The following TRMT11 variants were observed in gnomAD, a reference collection of about 807,000 sequenced individuals.
The protein encoded by TRMT11 is tRNA (guanine(10)-N(2))-methyltransferase TRMT11.
TRMT11 carries 53 observed loss-of-function variants against 62.8 expected under a neutral mutation model. The observed-to-expected ratio is 0.84, with a 90% CI of 0.68 to 1.06. TRMT11 has a LOEUF of 1.06. TRMT11 is among the 50% of genes least tolerant of loss of function. TRMT11 has a pLI of 0.00. For synonymous variants in TRMT11, 188 were observed against 190.3 expected (o/e 0.99, Z 0.10); for missense variants, 556 against 553.4 (o/e 1.00, Z -0.05).
At chr6:126,253,062 T>C in the TRMT11 span, among the ~76,000 whole-genome samples, 1 of 151,562 alleles carries the variant, frequency 6.6e-6, no homozygotes, top group Non-Finnish European at 1.5e-5. Flanking sequence ...CAAATATCTT[T>C]AGGAAAATAA....
At chr6:126,163,458 T>G (rs75795298) in intron 21 of TRMT11, among the ~76,000 whole-genome samples, 6,976 of 152,260 alleles carry the variant, frequency 0.046, 538 homozygotes, top group African/African-American at 0.16. Flanking sequence ...GGTTTGACAG[T>G]ATTTTACTGA....
chr6:126,130,485 A>G (rs1293294995), intron 21 of TRMT11, among the ~76,000 whole-genome samples: 1 of 152,092 alleles, frequency 6.6e-6, no homozygotes, highest in Non-Finnish European at 1.5e-5. Context: ...GGAAGTCAGA[A>G]TGTTCTTCTG....
the TRMT11 span, among the ~76,000 whole-genome samples, chr6:126,256,071 C>G: frequency 8.5e-5 from 13 of 152,140 alleles, no homozygotes; most frequent in Admixed American, 8.5e-4. Flanking sequence ...ACTGGAGGAT[C>G]CATATCAAAG....
Position 126,085,113 on chromosome 6 carries a change from AG to A in TRMT11, c.*1438-27751del, listed in dbSNP as rs142670119. On this transcript the variant is annotated intron_variant and NMD_transcript_variant, in intron 17 of 22. Coordinates refer to the TRMT11 transcript ENST00000648977. ...TCCCTAACAAAATGGTAACTATGTG[AG>A]GTGATGGGTATGCTAATTAGCTTGA... is the stretch of plus-strand genomic sequence containing the variant. Among the ~76,000 whole-genome samples the A allele has an allele frequency of 1.3e-3, 193 of 152,266 alleles. 4 individuals carry two copies. In the East Asian group the frequency reaches 0.025, roughly 20 times the overall value.
At chr6:126,053,699 G>A (rs961718000) in intron 17 of TRMT11, among the ~76,000 whole-genome samples, 4 of 151,892 alleles carry the variant, frequency 2.6e-5, no homozygotes, top group African/African-American at 4.8e-5. Flanking sequence ...CCTGCATGGC[G>A]TGGTGTGTCC....
the TRMT11 span, among the ~76,000 whole-genome samples, chr6:126,244,118 A>G: frequency 1.1e-4 from 16 of 152,034 alleles, no homozygotes; most frequent in African/African-American, 3.6e-4. Flanking sequence ...CATCTGAGTG[A>G]TGGGTTTCTA....
rs1474993426 is a variant in TRMT11, at chr6:126,021,274, A to T, written c.1254A>T (p.Lys418Asn). 2 of 1,613,694 alleles carry T rather than the reference A, an allele frequency of 1.2e-6. No homozygotes were observed. The highest frequency in any genetic ancestry group is 3.3e-5 in the Admixed American group (2 of 60,014). The change falls in exon 12 of 13, where the codon AAA becomes AAT. Residue 418 changes from lysine (K) to asparagine (N), a missense_variant. Lys to Asn is a moderately conservative substitution (Grantham distance 94). Transcript: ENST00000334379. Reference protein sequence around the residue: ...RRLITMEKVKKFENRDQYSHL... With the variant: ...RRLITMEKVKNFENRDQYSHL... The stretch of plus-strand genomic sequence containing the variant: ...TGATCACAATGGAAAAGGTGAAGAA[A>T]TTTGAGGTAAATTGCTTCAGTATTT...
chr6:126,175,375 G>A (rs577114482), upstream of TRMT11, among the ~76,000 whole-genome samples: 2 of 152,252 alleles, frequency 1.3e-5, no homozygotes, highest in East Asian at 1.9e-4. Context: ...ATTCCTAGGG[G>A]TTTGGCTTCA....
chr6:126,148,663 T>TA (rs1486873358), intron 21 of TRMT11, among the ~76,000 whole-genome samples: 4 of 152,174 alleles, frequency 2.6e-5, no homozygotes, highest in Non-Finnish European at 5.9e-5. Flanking sequence ...ATAAGACTAA[T>TA]AATAGTATTA....
chr6:126,160,875 C>T (rs1778182135), intron 21 of TRMT11, among the ~76,000 whole-genome samples: 1 of 152,080 alleles, frequency 6.6e-6, no homozygotes, highest in African/African-American at 2.4e-5. Context: ...TTGACAGGAG[C>T]CTGTCAGAAA....
chr6:126,120,231 C>T (rs1178475729), intron 21 of TRMT11, among the ~76,000 whole-genome samples: 3 of 152,150 alleles, frequency 2.0e-5, no homozygotes, highest in African/African-American at 4.8e-5. Context: ...GCTGAGATCA[C>T]GCCACTGCAC....
intron 1 of TRMT11, among the ~76,000 whole-genome samples, chr6:126,186,991 A>T (rs1778535084): frequency 6.6e-6 from 1 of 152,086 alleles, no homozygotes; most frequent in African/African-American, 2.4e-5. Flanking sequence ...CAATAAAGTC[A>T]TCTATAAAAA....
At chr6:126,024,744 T>C (rs984248849) in intron 12 of TRMT11, among the ~76,000 whole-genome samples, 1 of 152,220 alleles carries the variant, frequency 6.6e-6, no homozygotes, top group South Asian at 2.1e-4. Flanking sequence ...AAGAGGAGTC[T>C]GTTGTACGTT....
intron 12 of TRMT11, among the ~76,000 whole-genome samples, chr6:126,035,621 C>G (rs565953098): frequency 1.3e-5 from 2 of 152,026 alleles, no homozygotes; most frequent in Non-Finnish European, 1.5e-5. Flanking sequence ...CCACCGTGTC[C>G]CCATAGCACT....
At chr6:126,060,562 C>T (rs187935764) in intron 17 of TRMT11, among the ~76,000 whole-genome samples, 75 of 152,294 alleles carry the variant, frequency 4.9e-4, no homozygotes, top group Non-Finnish European at 8.7e-4. Context: ...TCACTCAGTG[C>T]GTATGTGACA....
the TRMT11 span, among the ~76,000 whole-genome samples, chr6:126,240,510 G>C: frequency 1.3e-5 from 2 of 152,182 alleles, no homozygotes; most frequent in Non-Finnish European, 2.9e-5. Flanking sequence ...AGCAGTGGAG[G>C]CTGCAGAACA....
intron 1 of TRMT11, among the ~76,000 whole-genome samples, chr6:126,194,785 T>C (rs1272242901): frequency 6.6e-6 from 1 of 152,156 alleles, no homozygotes; most frequent in Non-Finnish European, 1.5e-5. Context: ...AGCATAGTCA[T>C]AGAGCATTGG....
intron 9 of TRMT11, among the ~76,000 whole-genome samples, chr6:126,012,218 TTTA>T (rs1477872896): frequency 6.6e-6 from 1 of 152,176 alleles, no homozygotes; most frequent in Non-Finnish European, 1.5e-5. Context: ...AACAGTTTGC[TTTA>T]TTATTTGCTC....
At chr6:126,187,440 G>A (rs533593393) in intron 1 of TRMT11, among the ~76,000 whole-genome samples, 1 of 152,024 alleles carries the variant, frequency 6.6e-6, no homozygotes, top group South Asian at 2.1e-4. Context: ...TTTATACAAT[G>A]TTACTTGGAG....
Sources: allele counts gnomAD v4.1 joint callset (sites outside exome capture counted in the v4.1 genomes callset), GRCh38; gene constraint gnomAD v4.1.1; transcripts MANE v1.5; gene names NCBI Gene and HGNC (gene_info 2026-07-23, HGNC 2026-07-21).